The following LRP1B variants were observed in gnomAD, a reference collection of about 807,000 sequenced individuals.
The protein encoded by LRP1B is low-density lipoprotein receptor-related protein 1B.
In LRP1B, 217 loss-of-function variants were observed where a neutral mutation model predicts 556.6. That is an observed-to-expected ratio of 0.39 (90% confidence interval 0.35 to 0.44). The LOEUF (loss-of-function observed/expected upper bound fraction) is 0.44, where lower values mean the gene tolerates loss of function less well. Ranked by LOEUF, LRP1B falls within the 20% of genes least tolerant of loss-of-function variation. The pLI, the probability that LRP1B is intolerant of heterozygous loss-of-function variation, is 1.00. For missense variants in LRP1B, 5,053 were observed against 5,620.8 expected (o/e 0.90, Z 3.23); for synonymous variants, 2,047 against 1,865.8 (o/e 1.10, Z -2.50).
chr2:140,921,648 T>C (rs1694739714), intron 21 of LRP1B, among the ~76,000 whole-genome samples: 1 of 152,040 alleles, frequency 6.6e-6, no homozygotes, highest in African/African-American at 2.4e-5. Flanking sequence ...TATGACTCTT[T>C]ATGTAACAAT....
intron 84 of LRP1B, among the ~76,000 whole-genome samples, chr2:140,285,453 T>G (rs1683109113): frequency 6.6e-6 from 1 of 151,522 alleles, no homozygotes; most frequent in Middle Eastern, 3.4e-3. Flanking sequence ...AAACAGATTA[T>G]GTAGAAGTGA....
intron 16 of LRP1B, among the ~76,000 whole-genome samples, chr2:140,991,660 G>T (rs554420015): frequency 1.3e-5 from 2 of 152,024 alleles, no homozygotes; most frequent in African/African-American, 4.8e-5. Flanking sequence ...TTTCAATTTG[G>T]TTTGGCAACT....
intron 51 of LRP1B, among the ~76,000 whole-genome samples, chr2:140,510,746 G>A (rs1334549520): frequency 6.6e-6 from 1 of 152,014 alleles, no homozygotes; most frequent in African/African-American, 2.4e-5. Context: ...ATCTACCTTT[G>A]CTCTATCACT....
intron 2 of LRP1B, among the ~76,000 whole-genome samples, chr2:141,738,195 T>A (rs1693562323): frequency 6.6e-6 from 1 of 152,120 alleles, no homozygotes; most frequent in South Asian, 2.1e-4. Context: ...TATTTAATAG[T>A]TATAAAAATT....
chr2:140,700,672 T>C, intron 40 of LRP1B, 51 bp from the exon 41 acceptor site: 1 of 1,562,062 alleles, frequency 6.4e-7, no homozygotes, highest in Non-Finnish European at 8.7e-7. Flanking sequence ...TTTTCTTTTG[T>C]TTTTGAAACA....
chr2:141,072,961 A>G (rs1285737614), intron 7 of LRP1B, among the ~76,000 whole-genome samples: 1 of 152,002 alleles, frequency 6.6e-6, no homozygotes, highest in Non-Finnish European at 1.5e-5. Flanking sequence ...TTTCTCTAAG[A>G]CCTGACTTCA....
intron 17 of LRP1B, among the ~76,000 whole-genome samples, chr2:140,984,679 C>T (rs879480568): frequency 6.6e-6 from 1 of 152,002 alleles, no homozygotes; most frequent in Non-Finnish European, 1.5e-5. Context: ...TTTGTGTTAC[C>T]TCATTAACTC....
intron 43 of LRP1B, among the ~76,000 whole-genome samples, chr2:140,565,588 G>A (rs1681096107): frequency 6.6e-6 from 1 of 152,000 alleles, no homozygotes; most frequent in Non-Finnish European, 1.5e-5. Context: ...AAGTGGCAAG[G>A]GATTCTGACA....
chr2:141,151,356 C>T (rs1349090904), intron 7 of LRP1B, among the ~76,000 whole-genome samples: 1 of 152,198 alleles, frequency 6.6e-6, no homozygotes, highest in East Asian at 1.9e-4. Context: ...CCAAAAAAAG[C>T]CATGCAGGCA....
intron 1 of LRP1B, among the ~76,000 whole-genome samples, chr2:141,834,145 A>G (rs951151428): frequency 1.3e-5 from 2 of 151,908 alleles, no homozygotes; most frequent in African/African-American, 2.4e-5. Flanking sequence ...GAAGGGCTGC[A>G]TTTGGTATGC....
At chr2:140,776,275 A>G (rs1205059020) in intron 32 of LRP1B, 37 bp from the exon 33 acceptor site, 7 of 1,343,150 alleles carry the variant, frequency 5.2e-6, no homozygotes, top group Non-Finnish European at 6.0e-6. Context: ...AGGAAAGTAT[A>G]ATTATCTTAT....
At chr2:140,385,263 T>C (rs1276940165) in intron 67 of LRP1B, among the ~76,000 whole-genome samples, 4 of 152,058 alleles carry the variant, frequency 2.6e-5, no homozygotes, top group Non-Finnish European at 5.9e-5. Flanking sequence ...CATATATATA[T>C]TCTGAAATAA....
At chr2:140,467,437 C>G (rs1687590570) in intron 60 of LRP1B, among the ~76,000 whole-genome samples, 1 of 149,852 alleles carries the variant, frequency 6.7e-6, no homozygotes, top group Admixed American at 6.7e-5. Flanking sequence ...AACCCCATCT[C>G]TAGTAAAAAT....
chr2:140,331,140 T>C (rs1366330090), intron 79 of LRP1B, among the ~76,000 whole-genome samples: 1 of 152,110 alleles, frequency 6.6e-6, no homozygotes, highest in East Asian at 1.9e-4. Flanking sequence ...ACTGTAGCAC[T>C]GGTCACAATA....
chr2:140,913,477 T>C (rs1559190953), intron 21 of LRP1B, among the ~76,000 whole-genome samples: 1 of 151,880 alleles, frequency 6.6e-6, no homozygotes, highest in Non-Finnish European at 1.5e-5. Context: ...TGGTAGAAAA[T>C]TTTACGTAAG....
chr2:141,487,635 C>G (rs1683170350), intron 2 of LRP1B, among the ~76,000 whole-genome samples: 1 of 152,156 alleles, frequency 6.6e-6, no homozygotes, highest in Admixed American at 6.6e-5. Flanking sequence ...ACTTCATTCA[C>G]TGTCATCTTT....
chr2:141,829,913 A>G (rs1226651412), intron 1 of LRP1B, among the ~76,000 whole-genome samples: 1 of 151,974 alleles, frequency 6.6e-6, no homozygotes, highest in Admixed American at 6.6e-5. Context: ...GATTTAGAAT[A>G]AAGGCATGAG....
intron 44 of LRP1B, among the ~76,000 whole-genome samples, 183 bp from the exon 45 acceptor site, chr2:140,541,281 C>CACTAATCAA (rs1441911558): frequency 2.0e-5 from 3 of 152,062 alleles, no homozygotes; most frequent in Non-Finnish European, 4.4e-5. Context: ...AAGTATGTAA[C>CACTAATCAA]ACTAATCAAA....
intron 41 of LRP1B, among the ~76,000 whole-genome samples, chr2:140,613,213 T>C (rs1251428973): frequency 6.8e-6 from 1 of 146,100 alleles, no homozygotes; most frequent in African/African-American, 2.5e-5. Flanking sequence ...ACTAAATCCC[T>C]GGCATTATAT....
Sources: allele counts gnomAD v4.1 joint callset (sites outside exome capture counted in the v4.1 genomes callset), GRCh38; gene constraint gnomAD v4.1.1; transcripts MANE v1.5; gene names NCBI Gene and HGNC (gene_info 2026-07-23, HGNC 2026-07-21).